The following ELMO1 variants were observed in gnomAD, a reference collection of about 807,000 sequenced individuals.
The protein encoded by ELMO1 is engulfment and cell motility 1.
In ELMO1, 26 loss-of-function variants were observed where a neutral mutation model predicts 98.9. The ratio of observed to expected loss-of-function variants is 0.26; its 90% CI spans 0.19 to 0.36. The LOEUF (loss-of-function observed/expected upper bound fraction) is 0.36. Among genes scored for constraint, ELMO1 ranks in the 10% least tolerant of loss-of-function variants. The probability of loss-of-function intolerance (pLI) is 1.00; values close to 1 mark genes in which losing one functional copy is unlikely to be tolerated. For missense variants in ELMO1, 627 were observed against 935.2 expected (o/e 0.67, Z 4.30); for synonymous variants, 346 against 346.0 (o/e 1.00, Z 0.00).
At chr7:36,919,946 C>G (rs191385713) in intron 16 of ELMO1, among the ~76,000 whole-genome samples, 279 of 152,310 alleles carry the variant, frequency 1.8e-3, no homozygotes, top group Non-Finnish European at 3.0e-3. Flanking sequence ...TGGGAACGCC[C>G]TATGAGATGC....
intron 4 of ELMO1, among the ~76,000 whole-genome samples, chr7:37,274,067 G>A (rs989520341): frequency 1.3e-5 from 2 of 152,144 alleles, no homozygotes; most frequent in East Asian, 1.9e-4. Context: ...ATCCCCTGAT[G>A]CACTGGGTCA....
At chr7:37,137,257 C>A (rs1246683791) in intron 13 of ELMO1, among the ~76,000 whole-genome samples, 1 of 152,132 alleles carries the variant, frequency 6.6e-6, no homozygotes, top group Non-Finnish European at 1.5e-5. Context: ...AACACTGGAT[C>A]TCCCAAATTT....
At chr7:37,192,844 C>A (rs1791686661) in intron 13 of ELMO1, among the ~76,000 whole-genome samples, 1 of 141,106 alleles carries the variant, frequency 7.1e-6, no homozygotes, top group Admixed American at 7.2e-5. Context: ...GTATATATGA[C>A]ATATATATTT....
chr7:36,985,026 G>T (rs2129147012), intron 16 of ELMO1: 1 of 985,352 alleles, frequency 1.0e-6, no homozygotes, highest in South Asian at 4.7e-5. Flanking sequence ...GTCCCTACAG[G>T]CAAAGAGTTT....
At chr7:37,417,986 C>G (rs955506117) in intron 1 of ELMO1, among the ~76,000 whole-genome samples, 1 of 152,182 alleles carries the variant, frequency 6.6e-6, no homozygotes, top group African/African-American at 2.4e-5. Flanking sequence ...GAAAGACCCT[C>G]CCCTGGAACC....
At chr7:37,027,134 T>C (rs945785809) in intron 15 of ELMO1, among the ~76,000 whole-genome samples, 1 of 152,130 alleles carries the variant, frequency 6.6e-6, no homozygotes, top group Non-Finnish European at 1.5e-5. Context: ...TCCTTCAAAA[T>C]GACCCATTCT....
At chr7:37,194,489 C>T (rs1791845327) in intron 13 of ELMO1, among the ~76,000 whole-genome samples, 1 of 152,202 alleles carries the variant, frequency 6.6e-6, no homozygotes, top group South Asian at 2.1e-4. Flanking sequence ...CACCTCCAGC[C>T]TCTTCCAACT....
chr7:36,947,169 T>G (rs1373454530), intron 16 of ELMO1, among the ~76,000 whole-genome samples: 1 of 152,202 alleles, frequency 6.6e-6, no homozygotes, highest in Non-Finnish European at 1.5e-5. Flanking sequence ...TCCACTCTTA[T>G]GTCCCTGTGT....
At chr7:37,164,478 A>G (rs1263628831) in intron 13 of ELMO1, among the ~76,000 whole-genome samples, 1 of 152,202 alleles carries the variant, frequency 6.6e-6, no homozygotes, top group African/African-American at 2.4e-5. Flanking sequence ...TAGGTCTAAC[A>G]TTTAAATCTT....
chr7:37,447,714 C>CCACACACACACACACACACA (rs3054415), intron 1 of ELMO1, among the ~76,000 whole-genome samples: 19 of 132,242 alleles, frequency 1.4e-4, no homozygotes, highest in Non-Finnish European at 1.7e-4. Context: ...CGCGCACACA[C>CCACACACACACACACACACA]CACACACACA....
intron 13 of ELMO1, among the ~76,000 whole-genome samples, chr7:37,204,882 G>C (rs191481681): frequency 1.8e-4 from 28 of 152,272 alleles, no homozygotes; most frequent in Admixed American, 1.3e-4. Context: ...TAGACACAGA[G>C]TGCTGATTGG....
intron 15 of ELMO1, among the ~76,000 whole-genome samples, chr7:37,078,844 G>A (rs1380853311): frequency 1.3e-5 from 2 of 151,758 alleles, no homozygotes; most frequent in Non-Finnish European, 2.9e-5. Context: ...TTGTTATCGT[G>A]GATAGTTACA....
chr7:37,081,107 A>G (rs913608482), intron 15 of ELMO1, among the ~76,000 whole-genome samples: 5 of 152,192 alleles, frequency 3.3e-5, no homozygotes, highest in Non-Finnish European at 7.3e-5. Flanking sequence ...TTTCACTGCT[A>G]TAGCCCCAGT....
chr7:37,243,279 T>TG (rs1794844852), intron 7 of ELMO1, among the ~76,000 whole-genome samples: 1 of 152,178 alleles, frequency 6.6e-6, no homozygotes, highest in Admixed American at 6.5e-5. Context: ...GTTAAGTAGA[T>TG]GGGGAGAAAG....
At chr7:36,970,504 T>C (rs1052839797) in intron 16 of ELMO1, among the ~76,000 whole-genome samples, 3 of 152,214 alleles carry the variant, frequency 2.0e-5, no homozygotes, top group African/African-American at 7.2e-5. Flanking sequence ...AACTAGCTAA[T>C]GTTGCTTACA....
At chr7:37,249,932 A>G (rs961730596) in intron 6 of ELMO1, among the ~76,000 whole-genome samples, 2 of 152,150 alleles carry the variant, frequency 1.3e-5, no homozygotes, top group Non-Finnish European at 2.9e-5. Flanking sequence ...ATATTTAAAA[A>G]TTAGCCAGGT....
chr7:36,980,495 T>G lies in ELMO1; in HGVS notation c.1437+32804A>C, dbSNP rs143930843. Among the ~76,000 whole-genome samples the G allele has an allele frequency of 1.6e-3, 237 of 152,340 alleles. 1 individual carries two copies. Among genetic ancestry groups the G allele is most frequent in the African/African-American group, 5.4e-3 (223 of 41,580 alleles). On this transcript the variant is annotated intron_variant, in intron 16 of 21. Coordinates refer to ENST00000310758, the MANE Select transcript of ELMO1 (RefSeq NM_014800.11). ...CTTCAGTTTACCCATGTAAAGTTGC[T>G]GAGAAGCACAAAGGTTAAATAACTT...
At chr7:37,368,842 A>T (rs1162096021) in intron 1 of ELMO1, among the ~76,000 whole-genome samples, 1 of 152,182 alleles carries the variant, frequency 6.6e-6, no homozygotes, top group Non-Finnish European at 1.5e-5. Flanking sequence ...AGGGTATATA[A>T]GCATCTGGAC....
intron 8 of ELMO1, among the ~76,000 whole-genome samples, chr7:37,231,377 A>C (rs1794167780): frequency 6.6e-6 from 1 of 151,918 alleles, no homozygotes; most frequent in South Asian, 2.1e-4. Flanking sequence ...GATCCTACAG[A>C]TGCCACCTAA....
Sources: gnomAD v4.1 joint callset for allele counts (sites outside exome capture counted in the v4.1 genomes callset) on GRCh38, gnomAD v4.1.1 for gene constraint, MANE v1.5 for transcripts, NCBI Gene and HGNC (gene_info 2026-07-23, HGNC 2026-07-21) for gene names.